KCND2: variants seen among roughly 807,000 people sequenced by gnomAD.
The protein encoded by KCND2 is A-type voltage-gated potassium channel KCND2.
Under a neutral mutation model 54.4 loss-of-function variants are expected in KCND2, and 16 were observed. The observed-to-expected ratio is 0.29, with a 90% CI of 0.20 to 0.45. The LOEUF is 0.45. Among genes scored for constraint, KCND2 ranks in the 20% least tolerant of loss-of-function variants. The pLI is 1.00. For missense variants in KCND2, 486 were observed against 824.2 expected (o/e 0.59, Z 5.02); for synonymous variants, 317 against 310.7 (o/e 1.02, Z -0.21).
intron 1 of KCND2, among the ~76,000 whole-genome samples, chr7:120,407,406 C>A (rs1284320005): frequency 6.6e-6 from 1 of 151,976 alleles, no homozygotes; most frequent in Non-Finnish European, 1.5e-5. Context: ...AGTGTGACAG[C>A]ACTTCATGCA....
chr7:120,664,191 C>T (rs1219969523), intron 1 of KCND2, among the ~76,000 whole-genome samples: 2 of 152,022 alleles, frequency 1.3e-5, no homozygotes, highest in South Asian at 2.1e-4. Context: ...GTTGGTTTTT[C>T]GGCCTTCTTT....
rs543973462 is a variant in KCND2, at chr7:120,619,991, G to A, written c.1116-112912G>A. On this transcript the variant is annotated intron_variant, in intron 1 of 5. Transcript: ENST00000331113. ...TTGCAAATAAGCTACTCAAGTGGTT[G>A]CTTTATTCACCAAGCTAATATGTAC... Among the ~76,000 whole-genome samples the A allele has an allele frequency of 2.7e-4, 41 of 152,236 alleles. No individual in the cohort carries two copies. The South Asian group carries it at 7.9e-3, about 29-fold the overall frequency.
At chr7:120,402,033 G>A (rs66843006) in intron 1 of KCND2, among the ~76,000 whole-genome samples, 2 of 152,030 alleles carry the variant, frequency 1.3e-5, no homozygotes, top group Middle Eastern at 3.2e-3. Context: ...ATTGTTATAA[G>A]AATGTAAGAA....
chr7:120,443,948 T>A (rs1239180029), intron 1 of KCND2, among the ~76,000 whole-genome samples: 1 of 152,084 alleles, frequency 6.6e-6, no homozygotes, highest in Non-Finnish European at 1.5e-5. Flanking sequence ...TGTGCTTTAC[T>A]CCCCTTCAAG....
At chr7:120,489,674 C>T (rs536271595) in intron 1 of KCND2, among the ~76,000 whole-genome samples, 4 of 152,196 alleles carry the variant, frequency 2.6e-5, no homozygotes, top group African/African-American at 9.6e-5. Context: ...TCACTCACGT[C>T]CTATCAAAAG....
intron 1 of KCND2, among the ~76,000 whole-genome samples, chr7:120,601,937 G>T (rs1284289984): frequency 2.0e-5 from 3 of 152,128 alleles, no homozygotes; most frequent in African/African-American, 7.2e-5. Flanking sequence ...TTTGCAATTT[G>T]ATCAGCTTGA....
chr7:120,474,246 C>T (rs2116266849), intron 1 of KCND2, among the ~76,000 whole-genome samples: 1 of 152,284 alleles, frequency 6.6e-6, no homozygotes, highest in East Asian at 1.9e-4. Context: ...GCTCAAGCAT[C>T]CCACTGCCTG....
At chr7:120,565,681 A>G (rs1792287689) in intron 1 of KCND2, among the ~76,000 whole-genome samples, 1 of 152,178 alleles carries the variant, frequency 6.6e-6, no homozygotes, top group South Asian at 2.1e-4. Flanking sequence ...ATATCTATTA[A>G]GTCAGTGAAA....
chr7:120,433,257 G>A (rs1246076514), intron 1 of KCND2, among the ~76,000 whole-genome samples: 4 of 152,168 alleles, frequency 2.6e-5, no homozygotes, highest in East Asian at 3.9e-4. Context: ...AGGGTGCCAC[G>A]TCCCCTAGCT....
chr7:120,672,501 C>G (rs1792004416), intron 1 of KCND2, among the ~76,000 whole-genome samples: 2 of 152,168 alleles, frequency 1.3e-5, no homozygotes, highest in African/African-American at 4.8e-5. Flanking sequence ...ACTGCTGTGG[C>G]CCCTCTGAAG....
chr7:120,634,994 G>A (rs1793286379), intron 1 of KCND2, among the ~76,000 whole-genome samples: 1 of 152,092 alleles, frequency 6.6e-6, no homozygotes, highest in Admixed American at 6.6e-5. Flanking sequence ...GTCTTCCCTT[G>A]GTTGATTTCT....
chr7:120,378,057 TAATG>T (rs1800860889), intron 1 of KCND2, among the ~76,000 whole-genome samples: 1 of 152,000 alleles, frequency 6.6e-6, no homozygotes, highest in African/African-American at 2.4e-5. Flanking sequence ...AGTATATGAA[TAATG>T]AATGAATGAA....
rs555000678 is a variant in KCND2 at position 120,466,474 on chromosome 7, C to T, written c.1115+190727C>T. The stretch of plus-strand genomic sequence containing the variant: ...AAGTGTCTTTTTTTCTACCTGAGGA[C>T]AACCAGCACAATACTTCCAGGTATG... On this transcript the variant is annotated intron_variant, in intron 1 of 5. Coordinates refer to ENST00000331113, the MANE Select transcript of KCND2 (RefSeq NM_012281.3). Among the ~76,000 whole-genome samples the T allele has an allele frequency of 3.3e-5, 5 of 152,204 alleles. No homozygotes were observed. In the South Asian group the frequency reaches 1.0e-3, roughly 32 times the overall value.
intron 1 of KCND2, among the ~76,000 whole-genome samples, chr7:120,690,711 T>C: frequency 6.6e-6 from 1 of 152,170 alleles, no homozygotes; most frequent in Admixed American, 6.5e-5. Context: ...TATTGATAAA[T>C]ATTTATTGAC....
intron 1 of KCND2, among the ~76,000 whole-genome samples, chr7:120,694,182 C>T (rs1323515037): frequency 1.3e-5 from 2 of 152,172 alleles, no homozygotes; most frequent in African/African-American, 4.8e-5. Flanking sequence ...TCTCTGGCTT[C>T]CTGCAATAAT....
At chr7:120,330,044 A>T (rs79409996) in intron 1 of KCND2, among the ~76,000 whole-genome samples, 11,521 of 151,900 alleles carry the variant, frequency 0.076, 944 homozygotes, top group African/African-American at 0.2. Flanking sequence ...TGCTGTAAAT[A>T]AAAAAAAGGT....
At chr7:120,598,484 T>C (rs1226092561) in intron 1 of KCND2, among the ~76,000 whole-genome samples, 1 of 151,454 alleles carries the variant, frequency 6.6e-6, no homozygotes, top group Non-Finnish European at 1.5e-5. Context: ...ATGGCTTCCA[T>C]ATTCTGCATA....
At chr7:120,613,612 G>T (rs980086142) in intron 1 of KCND2, among the ~76,000 whole-genome samples, 1 of 152,132 alleles carries the variant, frequency 6.6e-6, no homozygotes, top group African/African-American at 2.4e-5. Flanking sequence ...TTTTTCCTCT[G>T]TAGGATGAAC....
At chr7:120,570,671 A>G (rs1233409109) in intron 1 of KCND2, among the ~76,000 whole-genome samples, 1 of 152,102 alleles carries the variant, frequency 6.6e-6, no homozygotes, top group African/African-American at 2.4e-5. Context: ...TACCTTTCTT[A>G]TTAAAGATGC....
Sources: gnomAD v4.1 joint callset for allele counts (sites outside exome capture counted in the v4.1 genomes callset) on GRCh38, gnomAD v4.1.1 for gene constraint, MANE v1.5 for transcripts, NCBI Gene and HGNC (gene_info 2026-07-23, HGNC 2026-07-21) for gene names.